The following RB1CC1 variants were observed in gnomAD, a reference collection of about 807,000 sequenced individuals.
RB1CC1 encodes RB1-inducible coiled-coil protein 1.
In RB1CC1, 46 loss-of-function variants were observed where a neutral mutation model predicts 177.5. The ratio of observed to expected loss-of-function variants is 0.26; its 90% CI spans 0.20 to 0.33. RB1CC1 has a LOEUF of 0.33. RB1CC1 is among the 10% of genes least tolerant of loss of function. The pLI is 1.00. For missense variants in RB1CC1, 1,703 were observed against 1,816.3 expected, an observed-to-expected ratio of 0.94 and a Z score of 1.13; for synonymous variants, 666 against 613.6, an observed-to-expected ratio of 1.09 and a Z score of -1.26.
chr8:52,693,382 G>T (rs576982097), intron 1 of RB1CC1, among the ~76,000 whole-genome samples: 57 of 152,044 alleles, frequency 3.7e-4, no homozygotes, highest in Non-Finnish European at 4.7e-4. Context: ...ATCTGACAAA[G>T]GTCTAATATC....
intron 1 of RB1CC1, among the ~76,000 whole-genome samples, chr8:52,697,230 A>T (rs1324188858): frequency 2.6e-5 from 4 of 151,884 alleles, no homozygotes; most frequent in South Asian, 2.1e-4. Context: ...CATTATGATG[A>T]ATCAGTTAAA....
At chr8:52,632,376 T>C (rs1480800834) in intron 20 of RB1CC1, among the ~76,000 whole-genome samples, 1 of 152,164 alleles carries the variant, frequency 6.6e-6, no homozygotes, top group African/African-American at 2.4e-5. Flanking sequence ...TGCAGGGTTT[T>C]AAAAAGAGAA....
At chr8:52,697,131 G>C (rs1221018559) in intron 1 of RB1CC1, among the ~76,000 whole-genome samples, 2 of 152,092 alleles carry the variant, frequency 1.3e-5, no homozygotes, top group Non-Finnish European at 2.9e-5. Context: ...GACCACCTCT[G>C]AAAAAGTAAA....
chr8:52,646,031 A>G (rs1849991408), intron 15 of RB1CC1, among the ~76,000 whole-genome samples, 164 bp from the exon 16 acceptor site: 1 of 152,236 alleles, frequency 6.6e-6, no homozygotes. Context: ...GGAAATAAGT[A>G]AAAGTTTAAT....
At chr8:52,637,685 A>T (rs567101836) in intron 18 of RB1CC1, among the ~76,000 whole-genome samples, 53 of 144,530 alleles carry the variant, frequency 3.7e-4, no homozygotes, top group South Asian at 1.0e-3. Flanking sequence ...ATTTATTTAT[A>T]TATTTATTTT....
At chr8:52,643,003 T>A in intron 16 of RB1CC1, 191 bp from the exon 17 acceptor site, 1 of 571,008 alleles carries the variant, frequency 1.8e-6, no homozygotes. Flanking sequence ...GGTTCCAATT[T>A]AAGTCTCTTG....
Position 52,656,126 on chromosome 8 carries a change from T to G in RB1CC1, c.3703A>C (p.Asn1235His). Residue 1235 changes from asparagine (N) to histidine (H), a missense_variant, in exon 15 of 24, where the codon AAT (asparagine) becomes CAT (histidine). Physicochemically the swap from Asn to His is moderately conservative, Grantham distance 68. Transcript: ENST00000025008. ...QDREQLIQKLNCEKDEAIQTA... is the reference protein window; with the variant it reads ...QDREQLIQKLHCEKDEAIQTA... ...TGAATAGCTTCATCTTTTTCACAAT[T>G]AAGCTTCTGAATTAACTGTTCTCTG... 3.7e-6 allele frequency: 6 copies of G among 1,613,690 alleles called. No homozygotes were observed. The highest frequency in any genetic ancestry group is 4.2e-6 in the Non-Finnish European group (5 of 1,179,788).
intron 7 of RB1CC1, among the ~76,000 whole-genome samples, chr8:52,673,490 G>A (rs1264995834): frequency 1.3e-5 from 2 of 152,164 alleles, no homozygotes; most frequent in African/African-American, 4.8e-5. Context: ...AGGAAATAGT[G>A]ACTGGAAAGA....
chr8:52,632,816 A>G (rs1848861337), intron 20 of RB1CC1, among the ~76,000 whole-genome samples: 1 of 152,184 alleles, frequency 6.6e-6, no homozygotes, highest in Non-Finnish European at 1.5e-5. Context: ...ATTTGCCCAC[A>G]AGAAAATTCC....
chr8:52,692,752 T>C (rs1420589067), intron 1 of RB1CC1, among the ~76,000 whole-genome samples: 1 of 152,158 alleles, frequency 6.6e-6, no homozygotes, highest in Non-Finnish European at 1.5e-5. Flanking sequence ...CCCTTGCAGA[T>C]TTTCTCCCTT....
rs756226534 is a variant in RB1CC1, at chr8:52,699,858, T to TATAC, written c.-166-12892_-166-12891insGTAT. ...ATATATATATATATATATATATATA[T>TATAC]ACACACAAAAACAAAAGAAAGCTTA... On this transcript the variant is annotated intron_variant, in intron 1 of 23. Coordinates refer to ENST00000025008, the MANE Select transcript of RB1CC1 (RefSeq NM_014781.5). 2.7e-3 allele frequency among the ~76,000 whole-genome samples: 282 copies of TATAC among 102,640 alleles called. 2 individuals carry two copies. The highest frequency in any genetic ancestry group is 4.8e-3 in the African/African-American group (118 of 24,340). 67.3% of individuals were successfully genotyped at this position (102,640 alleles called of 152,430 possible).
Position 52,668,071 on chromosome 8 carries a change from T to A in RB1CC1, c.1123A>T (p.Met375Leu). ...LEDRLYALDQ[M>L]IASCGRLVNE... ...ACCAGTCGGCCACAGCTAGCAATCA[T>A]CTGGTCCAGGGCGTAGAGCCGATCT... Residue 375 changes from methionine (M) to leucine (L), a missense_variant, in exon 8 of 24, where the codon ATG (methionine) becomes TTG (leucine). Met to Leu is a conservative substitution (Grantham distance 15, BLOSUM62 2). Around this residue, in one of 6 missense-constraint regions of RB1CC1, gnomAD observed 315 missense variants for 304.9 expected, o/e 1.03. Transcript: ENST00000025008. 1 of 1,614,140 alleles carries A rather than the reference T, an allele frequency of 6.2e-7. No individual in the cohort carries two copies. The highest frequency in any genetic ancestry group is 8.5e-7 in the Non-Finnish European group (1 of 1,179,990).
Position 52,623,626 on chromosome 8 carries a change from G to C in RB1CC1, c.*156C>G, listed in dbSNP as rs1197113977. 1.5e-6 allele frequency: 1 copy of C among 666,284 alleles called. No individual in the cohort carries two copies. The highest frequency in any genetic ancestry group is 2.8e-6 in the Non-Finnish European group (1 of 359,806). The allele number at this position is 666,284 out of a possible 1,614,324, so 41.3% of individuals were successfully genotyped here. ...CTGATGAATTTATTATTCCTAAAAT[G>C]AAGCCAGTTAAAAAGTAAACGATGT... On this transcript the variant is annotated 3_prime_UTR_variant, in exon 24 of 24. Coordinates refer to ENST00000025008, the MANE Select transcript of RB1CC1 (RefSeq NM_014781.5).
chr8:52,667,866 C>A (rs1322875512), intron 8 of RB1CC1, among the ~76,000 whole-genome samples, 155 bp downstream of exon 8: 1 of 152,142 alleles, frequency 6.6e-6, no homozygotes, highest in East Asian at 1.9e-4. Context: ...TAAGAACATG[C>A]TTTTCTGTTT....
intron 1 of RB1CC1, among the ~76,000 whole-genome samples, chr8:52,695,055 T>A (rs1182901660): frequency 6.6e-6 from 1 of 152,144 alleles, no homozygotes; most frequent in African/African-American, 2.4e-5. Flanking sequence ...GGTTATCAAG[T>A]GGTTAACAAA....
chr8:52,642,769 T>G lies in RB1CC1; in HGVS notation c.4031A>C (p.Glu1344Ala), dbSNP rs1849693705. ...ATCACTAAGATCATTTATTATGTTTTCTTTTCTCATTTTCTCTCTTGTTAA... is the reference window on the plus strand; with the variant it reads ...ATCACTAAGATCATTTATTATGTTTGCTTTTCTCATTTTCTCTCTTGTTAA... ...TVLTREKMRKENIINDLSDKL... is the reference protein window; with the variant it reads ...TVLTREKMRKANIINDLSDKL... Residue 1344 changes from glutamate to alanine, a missense_variant, in exon 17 of 24, where the codon GAA (glutamate) becomes GCA (alanine). Coordinates refer to ENST00000025008, the MANE Select transcript of RB1CC1 (RefSeq NM_014781.5). 1 of 1,576,220 alleles carries G rather than the reference T, an allele frequency of 6.3e-7. No homozygotes were observed. The highest frequency in any genetic ancestry group is 2.0e-5 in the Admixed American group (1 of 48,984).
chr8:52,688,199 T>C (rs1854458512), intron 1 of RB1CC1, among the ~76,000 whole-genome samples: 1 of 152,166 alleles, frequency 6.6e-6, no homozygotes, highest in Admixed American at 6.5e-5. Flanking sequence ...TTAACAGCGA[T>C]TTTTAGGGAA....
intron 1 of RB1CC1, among the ~76,000 whole-genome samples, chr8:52,693,656 T>C (rs1855105973): frequency 6.6e-6 from 1 of 152,174 alleles, no homozygotes; most frequent in East Asian, 1.9e-4. Context: ...TGGAAGACAG[T>C]GTGGCGATTC....
intron 20 of RB1CC1, among the ~76,000 whole-genome samples, chr8:52,634,108 CCT>C (rs1277334933): frequency 3.3e-5 from 5 of 152,052 alleles, no homozygotes; most frequent in Non-Finnish European, 5.9e-5. Flanking sequence ...CAGAGAGAGA[CCT>C]TGTCTCGATT....
Sources: allele counts gnomAD v4.1 joint callset (sites outside exome capture counted in the v4.1 genomes callset), GRCh38; gene constraint gnomAD v4.1.1; regional missense constraint gnomAD v4.1.1; transcripts MANE v1.5; gene names NCBI Gene and HGNC (gene_info 2026-07-23, HGNC 2026-07-21).